The following CEP112 variants were observed in gnomAD, a reference collection of about 807,000 sequenced individuals.
CEP112 encodes centrosomal protein of 112 kDa.
In CEP112, 127 loss-of-function variants were observed where a neutral mutation model predicts 153.0. The ratio of observed to expected loss-of-function variants is 0.83; its 90% CI spans 0.72 to 0.96. The LOEUF (loss-of-function observed/expected upper bound fraction) is 0.96, where lower values mean the gene tolerates loss of function less well. CEP112 is among the 40% of genes least tolerant of loss of function. The pLI, the probability that CEP112 is intolerant of heterozygous loss-of-function variation, is 0.00. For missense variants in CEP112, 1,089 were observed against 1,101.2 expected, an observed-to-expected ratio of 0.99 and a Z score of 0.16; for synonymous variants, 358 against 374.4, an observed-to-expected ratio of 0.96 and a Z score of 0.51.
chr17:66,009,741 T>C (rs530096361), intron 16 of CEP112, among the ~76,000 whole-genome samples: 2 of 152,338 alleles, frequency 1.3e-5, no homozygotes, highest in South Asian at 4.1e-4. Flanking sequence ...ATTGCTTTTT[T>C]GTGTTGACTT....
At chr17:66,040,118 G>A (rs2065907561) in intron 12 of CEP112, among the ~76,000 whole-genome samples, 1 of 152,174 alleles carries the variant, frequency 6.6e-6, no homozygotes, top group South Asian at 2.1e-4. Context: ...AGCCTCAGTA[G>A]TTACTATCAA....
intron 21 of CEP112, 25 bp from the exon 22 acceptor site, chr17:65,750,749 C>A (rs1448398361): frequency 6.2e-7 from 1 of 1,608,728 alleles, no homozygotes; most frequent in Non-Finnish European, 8.5e-7. Flanking sequence ...TACATGAACA[C>A]ATACACAGTG....
intron 21 of CEP112, among the ~76,000 whole-genome samples, chr17:65,787,950 T>A (rs2054368257): frequency 6.6e-6 from 1 of 152,234 alleles, no homozygotes; most frequent in Non-Finnish European, 1.5e-5. Flanking sequence ...TGTATTTCAC[T>A]GTTGAACAGC....
chr17:65,971,880 G>A (rs1176860723), intron 17 of CEP112, among the ~76,000 whole-genome samples: 1 of 152,164 alleles, frequency 6.6e-6, no homozygotes, highest in South Asian at 2.1e-4. Flanking sequence ...GGAAACAAAT[G>A]CTGAAAATAA....
chr17:66,063,866 G>A (rs563715706), intron 10 of CEP112, among the ~76,000 whole-genome samples: 1 of 152,136 alleles, frequency 6.6e-6, no homozygotes, highest in South Asian at 2.1e-4. Flanking sequence ...GCAGATTCCT[G>A]AGTTCATATT....
chr17:65,934,705 C>G (rs908743160), intron 18 of CEP112, among the ~76,000 whole-genome samples: 1 of 151,998 alleles, frequency 6.6e-6, no homozygotes, highest in Non-Finnish European at 1.5e-5. Flanking sequence ...ATATTTCATG[C>G]AAATAGAAAT....
Position 65,942,851 on chromosome 17 carries a change from TA to T in CEP112, c.1873-15163del, listed in dbSNP as rs931927913. On this transcript the variant is annotated intron_variant, in intron 18 of 26. Transcript: ENST00000535342. ...TAATAAATCATTACTCTTTCTCCAG[TA>T]AAGTACTATTGTGTTATTATACTCT... Among the ~76,000 whole-genome samples the T allele has an allele frequency of 8.5e-4, 129 of 152,342 alleles. 1 individual carries two copies. Among genetic ancestry groups the T allele is most frequent in the African/African-American group, 3.0e-3 (123 of 41,586 alleles).
chr17:65,795,995 A>T (rs1458324930), intron 21 of CEP112, among the ~76,000 whole-genome samples: 2 of 152,098 alleles, frequency 1.3e-5, no homozygotes, highest in Non-Finnish European at 2.9e-5. Flanking sequence ...CCCTGGCCAC[A>T]CGGGGTCTGC....
rs148581509 is a variant in CEP112 at position 66,140,223 on chromosome 17, TA to T, written c.471-7461del. On this transcript the variant is annotated intron_variant, in intron 4 of 26. Transcript: ENST00000535342. ...GCAGAAAGAGCATGACGAAATTCAA[TA>T]TTTTTTTATGATAAAAACTCAATAA... Among the ~76,000 whole-genome samples the T allele has an allele frequency of 7.8e-3, 1,185 of 152,286 alleles. 16 individuals are homozygous for T. The highest frequency in any genetic ancestry group is 0.027 in the African/African-American group (1,110 of 41,550).
At chr17:66,159,326 G>A (rs1348000997) in intron 4 of CEP112, among the ~76,000 whole-genome samples, 2 of 152,180 alleles carry the variant, frequency 1.3e-5, no homozygotes, top group East Asian at 1.9e-4. Context: ...TAGAAAAAGA[G>A]GGACTCCTCC....
At chr17:65,967,431 G>C (rs1458686883) in intron 17 of CEP112, among the ~76,000 whole-genome samples, 1 of 152,090 alleles carries the variant, frequency 6.6e-6, no homozygotes, top group African/African-American at 2.4e-5. Context: ...AAGGGTGCTG[G>C]CAGCAAATTC....
rs182999704 is a variant in CEP112, at chr17:66,116,500, T to C, written c.642+13246A>G. Among the ~76,000 whole-genome samples, 114 of 152,286 alleles carry C rather than the reference T, an allele frequency of 7.5e-4. 2 individuals are homozygous for C. In the South Asian group the frequency reaches 8.5e-3, roughly 11 times the overall value. On this transcript the variant is annotated intron_variant, in intron 6 of 26. Coordinates refer to ENST00000535342, the MANE Select transcript of CEP112 (RefSeq NM_001199165.4). The stretch of plus-strand genomic sequence containing the variant: ...ATCACTTTGGGCACATCACAGAATG[T>C]TTTGTCAAATTTTACCATGATTTAT...
At position 65,901,999 on chromosome 17, in the gene CEP112, T is replaced by A. The variant is rs200558016; in HGVS notation, c.2163+153A>T. Among the ~76,000 whole-genome samples, 7 of 13,472 alleles carry A rather than the reference T, an allele frequency of 5.2e-4. 1 individual carries two copies. The East Asian group carries it at 0.019, about 37-fold the overall frequency. The allele number at this position is 13,472 out of a possible 152,430, so 8.8% of individuals were successfully genotyped here. On this transcript the variant is annotated intron_variant, in intron 20 of 26. Coordinates refer to ENST00000535342, the MANE Select transcript of CEP112 (RefSeq NM_001199165.4). ...ATCCCAAAACGGGGGGGGGGGGGGG[T>A]GGGGGGGAGAAAAACAAAAAAAAAA...
chr17:65,733,549 G>A (rs2050634302), intron 23 of CEP112, among the ~76,000 whole-genome samples: 1 of 152,106 alleles, frequency 6.6e-6, no homozygotes. Flanking sequence ...TATATACAAG[G>A]CGCACGATAT....
intron 21 of CEP112, among the ~76,000 whole-genome samples, chr17:65,797,876 TA>T (rs1460851547): frequency 1.3e-5 from 2 of 152,182 alleles, no homozygotes; most frequent in African/African-American, 4.8e-5. Context: ...TTGACCCTGA[TA>T]AATCAGTGGA....
chr17:65,936,299 T>C (rs1171133119), intron 18 of CEP112, among the ~76,000 whole-genome samples: 1 of 152,034 alleles, frequency 6.6e-6, no homozygotes, highest in Non-Finnish European at 1.5e-5. Context: ...GAGAAGCTTC[T>C]CAACAAAGAG....
intron 4 of CEP112, among the ~76,000 whole-genome samples, chr17:66,153,064 T>C (rs1295175631): frequency 2.0e-5 from 3 of 152,126 alleles, no homozygotes; most frequent in African/African-American, 4.8e-5. Flanking sequence ...GAGACGAGAA[T>C]ACTCATGTGA....
At chr17:66,055,021 G>T (rs1482702881) in intron 11 of CEP112, among the ~76,000 whole-genome samples, 1 of 152,118 alleles carries the variant, frequency 6.6e-6, no homozygotes, top group Non-Finnish European at 1.5e-5. Flanking sequence ...GCCTCCCAAA[G>T]TGCTGGGATT....
intron 18 of CEP112, among the ~76,000 whole-genome samples, chr17:65,935,785 A>AT (rs752112859): frequency 7.2e-5 from 11 of 151,984 alleles, no homozygotes; most frequent in South Asian, 2.1e-4. Context: ...AATTAATGGC[A>AT]TTTTTTTAAA....
Sources: gnomAD v4.1 joint callset for allele counts (sites outside exome capture counted in the v4.1 genomes callset) on GRCh38, gnomAD v4.1.1 for gene constraint, MANE v1.5 for transcripts, NCBI Gene and HGNC (gene_info 2026-07-23, HGNC 2026-07-21) for gene names.